Variants in TBX22 observed in about 807,000 individuals in gnomAD.
The protein encoded by TBX22 is T-box transcription factor 22.
Under a neutral mutation model 30.1 loss-of-function variants are expected in TBX22, and 8 were observed. That is an observed-to-expected ratio of 0.27 (90% CI 0.16 to 0.48). TBX22 has a LOEUF of 0.48. Among genes scored for constraint, TBX22 ranks in the 20% least tolerant of loss-of-function variants. The probability of loss-of-function intolerance (pLI) is 0.99; values close to 1 mark genes in which losing one functional copy is unlikely to be tolerated. For missense variants in TBX22, 463 were observed against 400.5 expected (o/e 1.16, Z -1.33); for synonymous variants, 173 against 149.1 (o/e 1.16, Z -1.17).
chrX:80,026,450 C>T (rs899381154), intron 5 of TBX22, among the ~76,000 whole-genome samples: 19 of 111,855 alleles, frequency 1.7e-4, no homozygotes, highest in Admixed American at 7.6e-4. Context: ...ACCAGATGGT[C>T]GCCAGTGTTT....
intron 1 of TBX22, among the ~76,000 whole-genome samples, chrX:80,018,590 T>C (rs1285535841): frequency 8.9e-6 from 1 of 112,078 alleles, no homozygotes; most frequent in African/African-American, 3.2e-5. Context: ...GTATAGTTGA[T>C]AGAAAGATTA....
chrX:80,020,496 C>A (rs1228152418), intron 1 of TBX22, among the ~76,000 whole-genome samples: 1 of 112,123 alleles, frequency 8.9e-6, no homozygotes, highest in Admixed American at 9.5e-5. Flanking sequence ...CTGTGAGGTT[C>A]ACTTTGCCTG....
chrX:80,030,522 T>G lies in TBX22; in HGVS notation c.974T>G (p.Val325Gly). The G allele has an allele frequency of 8.3e-7, 1 of 1,211,469 alleles. No homozygotes were observed. Among genetic ancestry groups the G allele is most frequent in the Non-Finnish European group, 1.1e-6 (1 of 895,213 alleles). The change falls in exon 9 of 9, where the codon GTG becomes GGG. Residue 325 changes from valine (V) to glycine (G), a missense_variant. Transcript: ENST00000373296. The part of the protein sequence containing the change: ...TQSGSSGSSP[V>G]TSSGGAPSPL... ...GGTGGAAGCAGTGGCTCATCTCCAGTGACCTCTAGTGGAGGGGCCCCCTCT... is the reference window on the plus strand; with the variant it reads ...GGTGGAAGCAGTGGCTCATCTCCAGGGACCTCTAGTGGAGGGGCCCCCTCT...
chrX:80,030,540 C>A lies in TBX22; in HGVS notation c.992C>A (p.Ala331Asp). The A allele has an allele frequency of 2.5e-6, 3 of 1,209,918 alleles. No individual in the cohort carries two copies. The highest frequency in any genetic ancestry group is 3.5e-5 in the African/African-American group (2 of 57,647). Residue 331 changes from alanine to aspartate, a missense_variant, in exon 9 of 9, where the codon GCC (alanine) becomes GAC (aspartate). By Grantham distance (126) the Ala-to-Asp change is moderately radical (BLOSUM62 -2). Coordinates refer to ENST00000373296, the MANE Select transcript of TBX22 (RefSeq NM_001109878.2). ...TCTCCAGTGACCTCTAGTGGAGGGG[C>A]CCCCTCTCCTTTGAACTCCTTACTT... ...GSSPVTSSGG[A>D]PSPLNSLLSP...
chrX:80,024,192 A>C (rs768372063), intron 4 of TBX22, 28 bp downstream of exon 4: 2 of 1,168,084 alleles, frequency 1.7e-6, no homozygotes, highest in Non-Finnish European at 2.3e-6. Flanking sequence ...ATGGTACTCT[A>C]TGCCCAGGCT....
intron 7 of TBX22, 23 bp from the exon 8 acceptor site, chrX:80,027,968 T>G: frequency 3.5e-6 from 4 of 1,152,611 alleles, no homozygotes; most frequent in Non-Finnish European, 3.6e-6. Context: ...CTGGGGATGC[T>G]GAAAGTTGAC....
At chrX:80,026,901 T>C (rs780247236) in intron 6 of TBX22, 33 bp downstream of exon 6, 2 of 1,196,580 alleles carry the variant, frequency 1.7e-6, no homozygotes, top group Non-Finnish European at 2.3e-6. Context: ...CGAATGGAAA[T>C]GGCTCCAGAG....
intron 1 of TBX22, among the ~76,000 whole-genome samples, chrX:80,019,481 C>T (rs914035322): frequency 9.8e-5 from 11 of 111,760 alleles, no homozygotes; most frequent in South Asian, 3.7e-4. Context: ...TTGTGGGCAT[C>T]TGTGGGTCTC....
rs2147588219 is a variant in TBX22, at chrX:80,022,417, A to T, written c.148A>T (p.Ser50Cys). ...GGEEEEERRSSAAGKSEPLEK... is the reference protein window; with the variant it reads ...GGEEEEERRSCAAGKSEPLEK... ...AGAGGAAGAGGAGGAGAGAAGGAGCAGCGCTGCAGGGAAGAGCGAGCCGCT... is the reference window on the plus strand; with the variant it reads ...AGAGGAAGAGGAGGAGAGAAGGAGCTGCGCTGCAGGGAAGAGCGAGCCGCT... Residue 50 changes from serine (S) to cysteine (C), a missense_variant, in exon 2 of 9, where the codon AGC (serine) becomes TGC (cysteine). Physicochemically the swap from Ser to Cys is moderately radical, Grantham distance 112. Coordinates refer to ENST00000373296, the MANE Select transcript of TBX22 (RefSeq NM_001109878.2). 8.4e-7 allele frequency: 1 copy of T among 1,197,375 alleles called. No individual in the cohort carries two copies. The highest frequency in any genetic ancestry group is 1.1e-6 in the Non-Finnish European group (1 of 888,255).
At chrX:80,018,754 C>A (rs1923556623) in intron 1 of TBX22, among the ~76,000 whole-genome samples, 1 of 111,893 alleles carries the variant, frequency 8.9e-6, no homozygotes, top group South Asian at 3.7e-4. Flanking sequence ...GAAACATACT[C>A]TATGATAGGA....
chrX:80,016,577 T>C (rs1022370133), intron 1 of TBX22, among the ~76,000 whole-genome samples: 2 of 112,520 alleles, frequency 1.8e-5, no homozygotes, highest in Admixed American at 9.4e-5. Flanking sequence ...GATATTTTGC[T>C]ATATGTCTGA....
At chrX:80,022,089 A>ATCCAGAAATT (rs1436023119) in intron 1 of TBX22, among the ~76,000 whole-genome samples, 179 bp from the exon 2 acceptor site, 1 of 109,665 alleles carries the variant, frequency 9.1e-6, no homozygotes, top group Non-Finnish European at 1.9e-5. Context: ...TTGAATACAG[A>ATCCAGAAATT]TCCAGAAATT....
intron 1 of TBX22, among the ~76,000 whole-genome samples, chrX:80,017,134 C>T (rs1206894861): frequency 4.6e-5 from 5 of 108,883 alleles, no homozygotes; most frequent in South Asian, 4.0e-4. Flanking sequence ...TAAAAATTCA[C>T]ATAGCACAAA....
intron 1 of TBX22, among the ~76,000 whole-genome samples, chrX:80,020,789 T>C (rs1923654968): frequency 8.9e-6 from 1 of 111,996 alleles, no homozygotes; most frequent in Admixed American, 9.5e-5. Context: ...CAGATTCCAG[T>C]ATTGGCATAT....
At chrX:80,018,821 A>C (rs1312640702) in intron 1 of TBX22, among the ~76,000 whole-genome samples, 1 of 112,225 alleles carries the variant, frequency 8.9e-6, no homozygotes, top group Non-Finnish European at 1.9e-5. Context: ...CAAAAAAAAG[A>C]CTTGTGTAAG....
intron 1 of TBX22, among the ~76,000 whole-genome samples, chrX:80,020,100 T>C (rs1455218972): frequency 1.8e-5 from 2 of 111,636 alleles, no homozygotes; most frequent in Non-Finnish European, 3.8e-5. Context: ...GGTAACGTCC[T>C]GCCTTTTAAC....
rs1430424820 is a variant in TBX22 at position 80,022,389 on chromosome X, C to A, written c.120C>A (p.Gly40=). 5.0e-6 allele frequency: 6 copies of A among 1,207,716 alleles called. No individual in the cohort carries two copies. The highest frequency in any genetic ancestry group is 1.8e-5 in the South Asian group (1 of 56,228). The change falls in exon 2 of 9, where the codon GGC becomes GGA. Residue 40 remains glycine (G), a synonymous_variant. Coordinates refer to ENST00000373296, the MANE Select transcript of TBX22 (RefSeq NM_001109878.2). ...AEQPELREKK[G]GEEEEERRSS... is the part of the protein sequence containing the mutation. ...AGCCTGAGCTGCGGGAGAAAAAGGG[C>A]GGAGAGGAAGAGGAGGAGAGAAGGA...
Position 80,017,969 on chromosome X carries a change from G to A in TBX22, c.-3+3082G>A, listed in dbSNP as rs182327773. Among the ~76,000 whole-genome samples the A allele has an allele frequency of 2.3e-4, 26 of 111,719 alleles. 1 individual carries two copies. Among genetic ancestry groups the A allele is most frequent in the Admixed American group, 6.7e-4 (7 of 10,504 alleles). On this transcript the variant is annotated intron_variant, in intron 1 of 8. Coordinates refer to ENST00000373296, the MANE Select transcript of TBX22 (RefSeq NM_001109878.2). ...AAGTTTTTGCAAGCATGAGCATTTC[G>A]CTTCCAATCCTCCCCATGAGAAGAA... is the stretch of plus-strand genomic sequence containing the variant.
intron 2 of TBX22, chrX:80,022,775 C>T (rs1256880643): frequency 4.9e-6 from 2 of 404,959 alleles, no homozygotes; most frequent in Non-Finnish European, 8.5e-6. Context: ...GGCATCCAGT[C>T]TCGGTTATCA....
Sources: gnomAD v4.1 joint callset for allele counts (sites outside exome capture counted in the v4.1 genomes callset) on GRCh38, gnomAD v4.1.1 for gene constraint, MANE v1.5 for transcripts, NCBI Gene and HGNC (gene_info 2026-07-23, HGNC 2026-07-21) for gene names.